The following PRDM11 variants were observed in gnomAD, a reference collection of about 807,000 sequenced individuals.
PRDM11 encodes PR/SET domain 11, also known as PR domain-containing protein 11.
PRDM11 carries 20 observed loss-of-function variants against 97.8 expected under a neutral mutation model. The ratio of observed to expected loss-of-function variants is 0.20; its 90% confidence interval spans 0.14 to 0.30. The LOEUF (loss-of-function observed/expected upper bound fraction) is 0.30. PRDM11 is among the 10% of genes least tolerant of loss of function. The pLI is 1.00. For synonymous variants in PRDM11, 599 were observed against 637.7 expected (o/e 0.94, Z 0.91); for missense variants, 1,139 against 1,555.2 (o/e 0.73, Z 4.50).
intron 1 of PRDM11, among the ~76,000 whole-genome samples, chr11:45,139,500 G>GAGGTTGCA (rs978108367): frequency 1.3e-5 from 2 of 150,382 alleles, no homozygotes; most frequent in African/African-American, 4.9e-5. Flanking sequence ...CCAGGAGGCG[G>GAGGTTGCA]AGGTTGCAGT....
chr11:45,185,885 G>A (rs1017509846), intron 4 of PRDM11, among the ~76,000 whole-genome samples: 6 of 151,966 alleles, frequency 3.9e-5, no homozygotes, highest in Non-Finnish European at 5.9e-5. Flanking sequence ...ACCTGGGTGG[G>A]CCCAGTGTAA....
At position 45,200,344 on chromosome 11, in the gene PRDM11, CAAATT is replaced by C. The variant is rs554492281; in HGVS notation, c.487-4365_487-4361del. 5.3e-5 allele frequency among the ~76,000 whole-genome samples: 8 copies of C among 152,322 alleles called. No individual in the cohort carries two copies. In the East Asian group the frequency reaches 1.4e-3, roughly 26 times the overall value. On this transcript the variant is annotated intron_variant, in intron 4 of 7. Coordinates refer to ENST00000683152, the MANE Select transcript of PRDM11 (RefSeq NM_001384648.1). ...TTGAACCACAGGCCTCCCACCACCC[CAAATT>C]AGTAATTAATATTTGAACTCTTAAT...
intron 4 of PRDM11, among the ~76,000 whole-genome samples, chr11:45,201,989 T>C (rs906055298): frequency 2.0e-5 from 3 of 151,978 alleles, no homozygotes; most frequent in South Asian, 2.1e-4. Flanking sequence ...AAAAATTCTT[T>C]GTAGAGACAG....
chr11:45,151,741 G>T (rs1243030427), intron 1 of PRDM11, among the ~76,000 whole-genome samples: 1 of 152,186 alleles, frequency 6.6e-6, no homozygotes, highest in Admixed American at 6.5e-5. Context: ...CCTTTAGGTT[G>T]GCCTTTGGAG....
chr11:45,124,904 A>T (rs1049993796), intron 1 of PRDM11, among the ~76,000 whole-genome samples: 6 of 152,348 alleles, frequency 3.9e-5, no homozygotes, highest in Middle Eastern at 3.4e-3. Flanking sequence ...GAATAGTTTC[A>T]GAAGGAATGG....
chr11:45,181,260 A>AC (rs1852489238), intron 1 of PRDM11, among the ~76,000 whole-genome samples: 1 of 152,132 alleles, frequency 6.6e-6, no homozygotes. Flanking sequence ...CCCTGCCTGT[A>AC]CCTGCTCTGA....
intron 1 of PRDM11, among the ~76,000 whole-genome samples, chr11:45,157,209 A>G (rs547224448): frequency 1.1e-4 from 16 of 152,234 alleles, no homozygotes; most frequent in African/African-American, 3.4e-4. Context: ...GGACCATTTC[A>G]TGAAGGACAA....
At chr11:45,174,192 C>T (rs1322245718) in intron 1 of PRDM11, among the ~76,000 whole-genome samples, 1 of 152,146 alleles carries the variant, frequency 6.6e-6, no homozygotes, top group Non-Finnish European at 1.5e-5. Context: ...TATCACTCAT[C>T]CAGATTATAG....
chr11:45,166,211 C>T (rs553772252), intron 1 of PRDM11, among the ~76,000 whole-genome samples: 3 of 152,282 alleles, frequency 2.0e-5, no homozygotes, highest in South Asian at 4.2e-4. Flanking sequence ...GGACTTGTTC[C>T]GTCCATCCTG....
chr11:45,135,379 G>A (rs996372527), intron 1 of PRDM11, among the ~76,000 whole-genome samples: 4 of 152,174 alleles, frequency 2.6e-5, no homozygotes, highest in African/African-American at 7.2e-5. Flanking sequence ...TTATTTGCAT[G>A]AGATACTCTT....
At chr11:45,210,073 G>C (rs1233657397) in intron 5 of PRDM11, among the ~76,000 whole-genome samples, 1 of 152,198 alleles carries the variant, frequency 6.6e-6, no homozygotes, top group African/African-American at 2.4e-5. Flanking sequence ...GGGGGAGGGG[G>C]CTGGAGACGA....
intron 1 of PRDM11, among the ~76,000 whole-genome samples, chr11:45,166,878 A>G (rs999548609): frequency 1.3e-5 from 2 of 152,238 alleles, no homozygotes; most frequent in Admixed American, 6.5e-5. Flanking sequence ...AAGTATGCCC[A>G]TTTGTTTTGG....
intron 5 of PRDM11, among the ~76,000 whole-genome samples, chr11:45,211,779 T>C (rs917039289): frequency 1.3e-5 from 2 of 152,082 alleles, no homozygotes; most frequent in Non-Finnish European, 1.5e-5. Context: ...CTTTGTGTCA[T>C]ATGGCACAGT....
At chr11:45,130,142 G>C (rs1460047597) in intron 1 of PRDM11, among the ~76,000 whole-genome samples, 2 of 152,056 alleles carry the variant, frequency 1.3e-5, no homozygotes, top group Non-Finnish European at 2.9e-5. Flanking sequence ...ATGGATTCTA[G>C]ATCTACATGT....
chr11:45,209,995 G>A (rs555079933), intron 5 of PRDM11, among the ~76,000 whole-genome samples: 6 of 152,266 alleles, frequency 3.9e-5, no homozygotes, highest in African/African-American at 1.4e-4. Flanking sequence ...ACGAGGCCCC[G>A]CATCAGGAAG....
chr11:45,167,879 T>C (rs954974051), intron 1 of PRDM11, among the ~76,000 whole-genome samples: 3 of 151,976 alleles, frequency 2.0e-5, no homozygotes, highest in Admixed American at 2.0e-4. Flanking sequence ...TTATGCATGC[T>C]TCGGGATGAT....
intron 1 of PRDM11, among the ~76,000 whole-genome samples, chr11:45,159,245 C>T (rs1851875148): frequency 6.6e-6 from 1 of 152,246 alleles, no homozygotes; most frequent in Admixed American, 6.5e-5. Flanking sequence ...TCCTGGAGAA[C>T]CCTCCGCCTG....
At chr11:45,182,743 C>G (rs1041049147) in intron 3 of PRDM11, 118 bp from the exon 4 acceptor site, 7 of 1,288,218 alleles carry the variant, frequency 5.4e-6, no homozygotes, top group Non-Finnish European at 7.5e-6. Flanking sequence ...ACCGATGACC[C>G]TGGGGCCTGC....
intron 1 of PRDM11, among the ~76,000 whole-genome samples, chr11:45,134,067 G>A (rs1006064966): frequency 1.3e-5 from 2 of 152,146 alleles, no homozygotes; most frequent in African/African-American, 2.4e-5. Flanking sequence ...GCACACATGG[G>A]AAATCAATGA....
Sources: allele counts gnomAD v4.1 joint callset (sites outside exome capture counted in the v4.1 genomes callset), GRCh38; gene constraint gnomAD v4.1.1; transcripts MANE v1.5; gene names NCBI Gene and HGNC (gene_info 2026-07-23, HGNC 2026-07-21).